RBFOX1: variants seen among roughly 807,000 people sequenced by gnomAD.
RBFOX1 encodes the protein RNA binding fox-1 homolog 1, also known as RNA binding protein fox-1 homolog 1.
Under a neutral mutation model 57.7 loss-of-function variants are expected in RBFOX1, and 8 were observed. The observed-to-expected ratio is 0.14, with a 90% CI of 0.08 to 0.25. The LOEUF (loss-of-function observed/expected upper bound fraction) is 0.25, where lower values mean the gene tolerates loss of function less well. Among genes scored for constraint, RBFOX1 ranks in the 10% least tolerant of loss-of-function variants. RBFOX1 has a pLI of 1.00. For missense variants in RBFOX1, 611 were observed against 548.5 expected (o/e 1.11, Z -1.14); for synonymous variants, 326 against 222.4 (o/e 1.47, Z -4.15).
chr16:7,699,734 CTTT>C (rs143846992), intron 14 of RBFOX1, among the ~76,000 whole-genome samples: 26 of 148,570 alleles, frequency 1.8e-4, no homozygotes, highest in African/African-American at 2.5e-4. Context: ...ATGAGTTCAC[CTTT>C]TTTTTTTACT....
Position 7,052,092 on chromosome 16 carries a change from G to A in RBFOX1, c.21G>A (p.Gln7=). ...AACAGATGAATTGTGAAAGAGAGCA[G>A]CTAAGGGTAGGTGCACCTGCTTGTA... MNCERE[Q]LRGNQEAAAA... is the part of the protein sequence containing the mutation. Residue 7 remains glutamine, a synonymous_variant, in exon 4 of 16, where the codon CAG becomes CAA. Coordinates refer to ENST00000550418, the MANE Select transcript of RBFOX1 (RefSeq NM_018723.4). 1 of 1,609,394 alleles carries A rather than the reference G, an allele frequency of 6.2e-7. No homozygotes were observed. Among genetic ancestry groups the A allele is most frequent in the Non-Finnish European group, 8.5e-7 (1 of 1,178,730 alleles).
At chr16:6,200,049 T>C (rs556270138) in intron 1 of RBFOX1, among the ~76,000 whole-genome samples, 16 of 152,092 alleles carry the variant, frequency 1.1e-4, no homozygotes, top group Non-Finnish European at 2.2e-4. Context: ...ATTTGGAAGA[T>C]ACAAATGGAG....
chr16:7,130,411 A>C (rs1041310108), intron 4 of RBFOX1, among the ~76,000 whole-genome samples: 3 of 152,182 alleles, frequency 2.0e-5, no homozygotes, highest in African/African-American at 7.2e-5. Context: ...CTCTGAGCGT[A>C]TTCACATTAT....
chr16:6,609,371 G>T (rs1489002115), intron 2 of RBFOX1, among the ~76,000 whole-genome samples: 1 of 151,928 alleles, frequency 6.6e-6, no homozygotes, highest in Non-Finnish European at 1.5e-5. Context: ...TTGAGACAGG[G>T]TCTCACTCTG....
chr16:5,654,387 C>T (rs947983388), intron 3 of RBFOX1, among the ~76,000 whole-genome samples: 5 of 152,132 alleles, frequency 3.3e-5, no homozygotes, highest in Non-Finnish European at 2.9e-5. Context: ...GTATTTATAC[C>T]ATGGAAATTA....
intron 3 of RBFOX1, among the ~76,000 whole-genome samples, chr16:6,678,152 C>A (rs527489352): frequency 2.0e-5 from 3 of 152,190 alleles, no homozygotes; most frequent in African/African-American, 7.2e-5. Flanking sequence ...GAGACGGAGT[C>A]TCGCTCTGTC....
intron 4 of RBFOX1, among the ~76,000 whole-genome samples, chr16:5,938,995 A>G (rs568851047): frequency 2.2e-4 from 33 of 152,318 alleles, no homozygotes; most frequent in South Asian, 6.2e-4. Context: ...TCGCAAGGAC[A>G]AAAAGCAAAC....
chr16:5,663,142 C>G (rs1159689566), intron 3 of RBFOX1, among the ~76,000 whole-genome samples: 1 of 152,134 alleles, frequency 6.6e-6, no homozygotes, highest in Non-Finnish European at 1.5e-5. Flanking sequence ...GGACAGCTGT[C>G]TACAACAAAG....
chr16:6,485,466 A>G (rs1298491619), intron 2 of RBFOX1, among the ~76,000 whole-genome samples: 1 of 151,810 alleles, frequency 6.6e-6, no homozygotes, highest in Non-Finnish European at 1.5e-5. Context: ...TACCTGGTGC[A>G]CAGAAACCTT....
chr16:6,431,822 G>T (rs1322963757), intron 2 of RBFOX1, among the ~76,000 whole-genome samples: 1 of 151,988 alleles, frequency 6.6e-6, no homozygotes, highest in Non-Finnish European at 1.5e-5. Context: ...GGCTAACACT[G>T]GTCATTTACA....
At chr16:6,048,814 C>T (rs2095521428) in intron 1 of RBFOX1, among the ~76,000 whole-genome samples, 1 of 152,124 alleles carries the variant, frequency 6.6e-6, no homozygotes, top group African/African-American at 2.4e-5. Flanking sequence ...ACTTTAAAGA[C>T]ATAGCGTTAT....
At chr16:5,289,568 C>T (rs778119352) in intron 1 of RBFOX1, among the ~76,000 whole-genome samples, 34 of 152,318 alleles carry the variant, frequency 2.2e-4, no homozygotes, top group Non-Finnish European at 4.3e-4. Flanking sequence ...ATTACCTTCA[C>T]TTCTTTTGTT....
chr16:6,747,192 A>C (rs1360669618), intron 3 of RBFOX1, among the ~76,000 whole-genome samples: 1 of 152,126 alleles, frequency 6.6e-6, no homozygotes, highest in African/African-American at 2.4e-5. Flanking sequence ...GTCAGATCAC[A>C]AGGTCAGGAG....
At chr16:5,585,396 A>T (rs949489119) in intron 2 of RBFOX1, among the ~76,000 whole-genome samples, 1 of 152,096 alleles carries the variant, frequency 6.6e-6, no homozygotes, top group African/African-American at 2.4e-5. Flanking sequence ...TGTTTTATTG[A>T]TCTGTTCATC....
chr16:6,415,394 G>A (rs545467120), intron 2 of RBFOX1, among the ~76,000 whole-genome samples: 24 of 151,818 alleles, frequency 1.6e-4, no homozygotes, highest in Admixed American at 6.6e-4. Context: ...AAGATGATGC[G>A]TTTAAAACTG....
At chr16:5,825,629 C>A (rs569511366) in intron 3 of RBFOX1, among the ~76,000 whole-genome samples, 1 of 152,292 alleles carries the variant, frequency 6.6e-6, no homozygotes, top group Non-Finnish European at 1.5e-5. Context: ...ACATTAAGGA[C>A]GTTGACAGCG....
chr16:7,640,306 A>C (rs1397654785), intron 11 of RBFOX1, among the ~76,000 whole-genome samples: 1 of 152,238 alleles, frequency 6.6e-6, no homozygotes. Flanking sequence ...GCAAAGAGGC[A>C]GCCACATTTC....
intron 6 of RBFOX1, among the ~76,000 whole-genome samples, chr16:7,585,472 C>G (rs894492986): frequency 2.0e-5 from 3 of 152,148 alleles, no homozygotes; most frequent in South Asian, 2.1e-4. Context: ...TGAGTATTTT[C>G]TCTTTGGTTT....
At chr16:6,302,794 A>T (rs1052850913) in intron 1 of RBFOX1, among the ~76,000 whole-genome samples, 2 of 152,256 alleles carry the variant, frequency 1.3e-5, no homozygotes, top group African/African-American at 4.8e-5. Flanking sequence ...ATTAGCAGAC[A>T]TGAGACTAAA....
Sources: allele counts gnomAD v4.1 joint callset (sites outside exome capture counted in the v4.1 genomes callset), GRCh38; gene constraint gnomAD v4.1.1; transcripts MANE v1.5; gene names NCBI Gene and HGNC (gene_info 2026-07-23, HGNC 2026-07-21).